The following SATL1 variants were observed in gnomAD, a reference collection of about 807,000 sequenced individuals.
SATL1 encodes the protein spermidine/spermine N1-acetyl transferase like 1, also known as spermidine/spermine N(1)-acetyltransferase-like protein 1.
Under a neutral mutation model 51.8 loss-of-function variants are expected in SATL1, and 47 were observed. That is an observed-to-expected ratio of 0.91 (90% CI 0.72 to 1.16). The LOEUF is 1.16. Ranked by LOEUF, SATL1 falls within the 50% of genes most tolerant of loss-of-function variation. SATL1 has a pLI of 0.00. For missense variants in SATL1, 520 were observed against 526.4 expected (o/e 0.99, Z 0.12); for synonymous variants, 176 against 182.4 (o/e 0.97, Z 0.28).
chrX:85,195,788 C>T (rs186377284), intron 2 of SATL1, among the ~76,000 whole-genome samples: 1 of 109,655 alleles, frequency 9.1e-6, no homozygotes, highest in Admixed American at 9.8e-5. Context: ...AAGAGCAAGA[C>T]TCCGTCTTAA....
rs780570515 is a variant in SATL1, at chrX:85,186,934, A to AT, written c.-313+37270dup. 4.2e-3 allele frequency among the ~76,000 whole-genome samples: 466 copies of AT among 111,466 alleles called. 2 individuals carry two copies. The highest frequency in any genetic ancestry group is 0.014 in the African/African-American group (430 of 30,686). On this transcript the variant is annotated intron_variant, in intron 2 of 7. Coordinates refer to ENST00000644105, the MANE Select transcript of SATL1 (RefSeq NM_001367857.2). ...TTCTGTCACATGTAGTTTGATATAG[A>AT]TTGCTTTGATTATATAGATTTTCTT...
intron 2 of SATL1, among the ~76,000 whole-genome samples, chrX:85,195,355 A>T (rs1453452697): frequency 9.0e-6 from 1 of 111,137 alleles, no homozygotes; most frequent in Non-Finnish European, 1.9e-5. Context: ...AAAAAACTGG[A>T]AGTAGTGTAG....
chrX:85,167,965 T>C (rs1457414925), intron 2 of SATL1, among the ~76,000 whole-genome samples: 1 of 110,578 alleles, frequency 9.0e-6, no homozygotes, highest in Non-Finnish European at 1.9e-5. Context: ...GGATGCAAGA[T>C]TGGTTCAACA....
At position 85,125,519 on chromosome X, in the gene SATL1, A is replaced by AGTGTGTGTGT. The variant is rs72067285; in HGVS notation, c.-312-16249_-312-16240dup. On this transcript the variant is annotated intron_variant, in intron 2 of 7. Transcript: ENST00000644105. ...ACTTGAAGGTAAAAACACATAGGAA[A>AGTGTGTGTGT]GTGTGTGTGTGTGTGTGTGTGTGTG... Among the ~76,000 whole-genome samples, 690 of 98,615 alleles carry AGTGTGTGTGT rather than the reference A, an allele frequency of 7.0e-3. 2 individuals carry two copies. Among genetic ancestry groups the AGTGTGTGTGT allele is most frequent in the African/African-American group, 0.016 (431 of 27,125 alleles). 85.6% of individuals were successfully genotyped at this position (98,615 alleles called of 115,157 possible). A position where few individuals can be genotyped will look rare whatever the true frequency, so the allele number is the denominator to read the frequency against.
chrX:85,236,679 G>T (rs1928488082), intron 1 of SATL1, among the ~76,000 whole-genome samples: 1 of 111,301 alleles, frequency 9.0e-6, no homozygotes, highest in Non-Finnish European at 1.9e-5. Flanking sequence ...GTAATAGAAG[G>T]AATGTGCCAC....
At chrX:85,153,478 A>G (rs1178865873) in intron 2 of SATL1, among the ~76,000 whole-genome samples, 1 of 111,616 alleles carries the variant, frequency 9.0e-6, no homozygotes, top group African/African-American at 3.3e-5. Context: ...TTTTCTTCAT[A>G]CGTGCCACAT....
intron 2 of SATL1, among the ~76,000 whole-genome samples, chrX:85,174,823 AAAAT>A (rs1439419518): frequency 2.7e-5 from 3 of 112,002 alleles, no homozygotes; most frequent in Non-Finnish European, 3.8e-5. Context: ...ATTTCATATG[AAAAT>A]AAATAGAGAA....
chrX:85,139,973 A>T (rs1926069860), intron 2 of SATL1, among the ~76,000 whole-genome samples: 2 of 111,686 alleles, frequency 1.8e-5, no homozygotes, highest in Admixed American at 9.5e-5. Context: ...TTAGCACCCC[A>T]GTGTCCCCTT....
intron 2 of SATL1, chrX:85,207,354 C>T (rs1472771472): frequency 9.0e-6 from 1 of 111,392 alleles, no homozygotes; most frequent in African/African-American, 3.3e-5. Flanking sequence ...CCTGTTACTT[C>T]AAATACACAG....
At chrX:85,133,405 C>T (rs779503432) in intron 2 of SATL1, among the ~76,000 whole-genome samples, 2 of 111,932 alleles carry the variant, frequency 1.8e-5, no homozygotes, top group African/African-American at 6.5e-5. Context: ...CCTCACAGTT[C>T]GATCTTGGAC....
chrX:85,219,634 GT>G (rs1355391811), intron 2 of SATL1: 1 of 111,956 alleles, frequency 8.9e-6, no homozygotes, highest in Non-Finnish European at 1.9e-5. Flanking sequence ...TAAATAAGGA[GT>G]TTTATTTGAA....
chrX:85,228,217 A>G (rs1345606938), intron 1 of SATL1, among the ~76,000 whole-genome samples: 1 of 111,310 alleles, frequency 9.0e-6, no homozygotes, highest in African/African-American at 3.3e-5. Flanking sequence ...GAATGCACGC[A>G]TATCCTGCCT....
At chrX:85,138,320 C>T (rs753620057) in intron 2 of SATL1, among the ~76,000 whole-genome samples, 1 of 107,089 alleles carries the variant, frequency 9.3e-6, no homozygotes, top group Admixed American at 9.8e-5. Context: ...AAAATTTTCC[C>T]TAGTGACCTT....
chrX:85,177,662 T>A (rs1317203734), intron 2 of SATL1, among the ~76,000 whole-genome samples: 1 of 111,583 alleles, frequency 9.0e-6, no homozygotes, highest in Non-Finnish European at 1.9e-5. Flanking sequence ...AGACTCTAAG[T>A]GTAATAGGAG....
chrX:85,221,693 C>T (rs1391314295), intron 2 of SATL1, among the ~76,000 whole-genome samples: 1 of 112,059 alleles, frequency 8.9e-6, no homozygotes, highest in African/African-American at 3.2e-5. Context: ...CAGAAAAAAA[C>T]CTCTAAGTTA....
rs1925188989 is a variant in SATL1 at position 85,108,999 on chromosome X, G to T, written c.-31C>A. On this transcript the variant is annotated 5_prime_UTR_variant, in exon 3 of 8. Transcript: ENST00000644105. ...GTTGATTCCTGCTTTGTTGACTAAG[G>T]ATGGGGTGGCAGATGATGGGTTGGC... 1 of 1,157,268 alleles carries T rather than the reference G, an allele frequency of 8.6e-7. No homozygotes were observed. The highest frequency in any genetic ancestry group is 1.2e-6 in the Non-Finnish European group (1 of 860,594).
rs750735497 is a variant in SATL1 at position 85,092,487 on chromosome X, A to G, written c.1992T>C (p.Tyr664=). The change falls in exon 8 of 8, where the codon TAT becomes TAC. Residue 664 remains tyrosine (Y), a synonymous_variant. Coordinates refer to ENST00000644105, the MANE Select transcript of SATL1 (RefSeq NM_001367857.2). ...AAAGGTCTAAAGCCCCTCGACTAGT[A>G]TAGTAGTTGATAGAAGCCTGGTTCC... ...VIWNQASINY[Y]TSRGALDLSS... is the part of the protein sequence containing the mutation. 52 of 1,207,752 alleles carry G rather than the reference A, an allele frequency of 4.3e-5. No homozygotes were observed. Among genetic ancestry groups the G allele is most frequent in the Non-Finnish European group, 5.5e-5 (49 of 893,808 alleles).
chrX:85,221,726 G>C (rs1602923722), intron 2 of SATL1, among the ~76,000 whole-genome samples: 1 of 112,204 alleles, frequency 8.9e-6, no homozygotes, highest in Admixed American at 9.4e-5. Flanking sequence ...AAGAGTTCCT[G>C]GTTGGTTGAA....
chrX:85,102,804 G>T (rs1029263538), intron 4 of SATL1, among the ~76,000 whole-genome samples: 4 of 110,509 alleles, frequency 3.6e-5, no homozygotes, highest in African/African-American at 6.6e-5. Flanking sequence ...GATTTTTTTT[G>T]ATTTTTAAAA....
Sources: gnomAD v4.1 joint callset for allele counts (sites outside exome capture counted in the v4.1 genomes callset) on GRCh38, gnomAD v4.1.1 for gene constraint, MANE v1.5 for transcripts, NCBI Gene and HGNC (gene_info 2026-07-23, HGNC 2026-07-21) for gene names.